Variants in TASP1 observed in about 807,000 individuals in gnomAD.
The protein encoded by TASP1 is taspase 1, also known as threonine aspartase 1.
A neutral mutation model predicts 56.6 loss-of-function variants in TASP1; 16 were observed. The observed-to-expected ratio is 0.28, with a 90% CI of 0.19 to 0.43. The LOEUF (loss-of-function observed/expected upper bound fraction) is 0.43, where lower values mean the gene tolerates loss of function less well. Among genes scored for constraint, TASP1 ranks in the 20% least tolerant of loss-of-function variants. TASP1 has a pLI of 1.00. For synonymous variants in TASP1, 179 were observed against 184.2 expected (o/e 0.97, Z 0.23); for missense variants, 393 against 511.6 (o/e 0.77, Z 2.24).
chr20:13,581,948 T>C (rs1230358423), intron 5 of TASP1, among the ~76,000 whole-genome samples: 2 of 152,054 alleles, frequency 1.3e-5, no homozygotes, highest in Non-Finnish European at 2.9e-5. Flanking sequence ...TCGGAGACCA[T>C]ACCCTTCATC....
At chr20:13,576,659 A>AT (rs1254308563) in intron 6 of TASP1, among the ~76,000 whole-genome samples, 1 of 152,210 alleles carries the variant, frequency 6.6e-6, no homozygotes, top group Non-Finnish European at 1.5e-5. Context: ...ATAAATGCAT[A>AT]TATTAGAATC....
chr20:13,404,306 A>C (rs1435379045), intron 13 of TASP1, among the ~76,000 whole-genome samples: 2 of 152,222 alleles, frequency 1.3e-5, no homozygotes, highest in Non-Finnish European at 2.9e-5. Context: ...ATCTTATTAA[A>C]GTTTTATAAA....
chr20:13,129,220 G>A, the TASP1 span, among the ~76,000 whole-genome samples: 44 of 152,022 alleles, frequency 2.9e-4, no homozygotes, highest in Non-Finnish European at 5.9e-4. Flanking sequence ...CATGCTGGTC[G>A]GGAACACCTG....
the TASP1 span, among the ~76,000 whole-genome samples, chr20:13,330,930 A>G: frequency 6.6e-6 from 1 of 152,052 alleles, no homozygotes; most frequent in Non-Finnish European, 1.5e-5. Flanking sequence ...CATAAATTTT[A>G]CTGATCTTCT....
At chr20:13,253,478 G>A in the TASP1 span, among the ~76,000 whole-genome samples, 1 of 152,242 alleles carries the variant, frequency 6.6e-6, no homozygotes, top group African/African-American at 2.4e-5. Context: ...ATCTCCCATT[G>A]CCAAAGTACC....
chr20:13,562,250 C>G (rs976929181), intron 7 of TASP1, among the ~76,000 whole-genome samples: 4 of 152,098 alleles, frequency 2.6e-5, no homozygotes, highest in East Asian at 1.9e-4. Context: ...TTACAAAGTA[C>G]ATCAAAAGCC....
At chr20:13,454,368 T>C (rs981458706) in intron 11 of TASP1, among the ~76,000 whole-genome samples, 1 of 152,054 alleles carries the variant, frequency 6.6e-6, no homozygotes, top group Non-Finnish European at 1.5e-5. Flanking sequence ...CCTTGGTGAG[T>C]CTGGAGAGAC....
chr20:13,488,464 T>A lies in TASP1; in HGVS notation c.875-5127A>T, dbSNP rs535882239. On this transcript the variant is annotated intron_variant, in intron 10 of 13. Transcript: ENST00000337743. ...AGAAAAAAACACTGCCAACCTGGAA[T>A]CAGTTAAACTACCATTCTACTAGAG... Among the ~76,000 whole-genome samples, 200 of 152,272 alleles carry A rather than the reference T, an allele frequency of 1.3e-3. 1 individual carries two copies. The highest frequency in any genetic ancestry group is 4.5e-3 in the African/African-American group (186 of 41,566).
the TASP1 span, among the ~76,000 whole-genome samples, chr20:13,106,161 G>A: frequency 6.6e-6 from 1 of 152,184 alleles, no homozygotes; most frequent in Non-Finnish European, 1.5e-5. Context: ...GCAGGTAGGA[G>A]ATATTTATCT....
At chr20:13,625,510 C>T (rs1220803161) in intron 2 of TASP1, among the ~76,000 whole-genome samples, 2 of 152,188 alleles carry the variant, frequency 1.3e-5, no homozygotes, top group Non-Finnish European at 2.9e-5. Flanking sequence ...AAGGTCCCCT[C>T]CCCTCTTCTT....
At chr20:13,449,827 T>C (rs1600832425) in intron 11 of TASP1, among the ~76,000 whole-genome samples, 1 of 152,142 alleles carries the variant, frequency 6.6e-6, no homozygotes, top group East Asian at 1.9e-4. Context: ...TGAATCACTG[T>C]ATCCTGAACC....
At chr20:13,317,379 T>C in the TASP1 span, among the ~76,000 whole-genome samples, 1 of 152,016 alleles carries the variant, frequency 6.6e-6, no homozygotes, top group African/African-American at 2.4e-5. Flanking sequence ...ACTTGATCTA[T>C]AGATTCAAGG....
chr20:13,577,596 A>G (rs1289935224), intron 6 of TASP1, among the ~76,000 whole-genome samples: 2 of 152,110 alleles, frequency 1.3e-5, no homozygotes, highest in Non-Finnish European at 2.9e-5. Flanking sequence ...TTTATAAGAA[A>G]GAAATTTTTC....
the TASP1 span, among the ~76,000 whole-genome samples, chr20:13,356,700 A>G: frequency 6.6e-6 from 1 of 152,172 alleles, no homozygotes; most frequent in Non-Finnish European, 1.5e-5. Flanking sequence ...TAAATCATGA[A>G]CTTTGCCCAG....
the TASP1 span, among the ~76,000 whole-genome samples, chr20:13,283,570 T>C: frequency 2.6e-5 from 4 of 152,206 alleles, no homozygotes; most frequent in Non-Finnish European, 5.9e-5. Flanking sequence ...CTTGTGATGA[T>C]GAAAACACAG....
chr20:13,390,215 C>T lies in TASP1; in HGVS notation c.*145G>A. 1 of 703,238 alleles carries T rather than the reference C, an allele frequency of 1.4e-6. No individual in the cohort carries two copies. The highest frequency in any genetic ancestry group is 2.5e-5 in the Admixed American group (1 of 40,440). 43.6% of individuals were successfully genotyped at this position (703,238 alleles called of 1,614,324 possible). ...CCCGCGTGTCACTAAGCGCTAACTA[C>T]AGCAGCACTTGTGTCTCGAGCAGTG... is the stretch of plus-strand genomic sequence containing the variant. On this transcript the variant is annotated 3_prime_UTR_variant, in exon 14 of 14. Transcript: ENST00000337743.
chr20:13,237,234 C>A, the TASP1 span, among the ~76,000 whole-genome samples: 2 of 152,206 alleles, frequency 1.3e-5, no homozygotes, highest in African/African-American at 4.8e-5. Context: ...AGCAATTCCA[C>A]CTGAGTATGT....
the TASP1 span, among the ~76,000 whole-genome samples, chr20:13,328,986 T>G: frequency 6.6e-6 from 1 of 152,180 alleles, no homozygotes; most frequent in African/African-American, 2.4e-5. Flanking sequence ...GTTTAAAAAA[T>G]TAAATAAAAC....
chr20:13,131,743 T>G, the TASP1 span, among the ~76,000 whole-genome samples: 3,978 of 152,282 alleles, frequency 0.026, 70 homozygotes, highest in Non-Finnish European at 0.031. Context: ...TGCTCTTGCC[T>G]TTTTATGGCT....
Sources: allele counts gnomAD v4.1 joint callset (sites outside exome capture counted in the v4.1 genomes callset), GRCh38; gene constraint gnomAD v4.1.1; transcripts MANE v1.5; gene names NCBI Gene and HGNC (gene_info 2026-07-23, HGNC 2026-07-21).